The following PTPRR variants were observed in gnomAD, a reference collection of about 807,000 sequenced individuals.
The protein encoded by PTPRR is protein tyrosine phosphatase receptor type R.
A neutral mutation model predicts 77.2 loss-of-function variants in PTPRR; 38 were observed. That is an observed-to-expected ratio of 0.49 (90% CI 0.38 to 0.65). PTPRR has a LOEUF of 0.65. Ranked by LOEUF, PTPRR falls within the 30% of genes least tolerant of loss-of-function variation. The pLI is 0.00. For synonymous variants in PTPRR, 299 were observed against 283.1 expected (o/e 1.06, Z -0.57); for missense variants, 744 against 799.2 (o/e 0.93, Z 0.83).
intron 6 of PTPRR, among the ~76,000 whole-genome samples, chr12:70,709,443 A>G (rs1888741932): frequency 6.6e-6 from 1 of 152,178 alleles, no homozygotes; most frequent in Admixed American, 6.6e-5. Context: ...TAGTCAACAT[A>G]GTATTGGATG....
chr12:70,872,353 T>A (rs1226157624), intron 2 of PTPRR, among the ~76,000 whole-genome samples: 1 of 152,000 alleles, frequency 6.6e-6, no homozygotes, highest in African/African-American at 2.4e-5. Context: ...CCATATTAAA[T>A]GTTTTTCAAA....
intron 2 of PTPRR, among the ~76,000 whole-genome samples, chr12:70,829,882 C>T (rs1243059370): frequency 1.3e-5 from 2 of 152,166 alleles, no homozygotes; most frequent in South Asian, 2.1e-4. Context: ...TTATAAGGTG[C>T]TTCCTAAGAA....
At chr12:70,769,138 T>C (rs1000938454) in intron 2 of PTPRR, among the ~76,000 whole-genome samples, 25 of 140,638 alleles carry the variant, frequency 1.8e-4, no homozygotes, top group Non-Finnish European at 2.7e-4. Context: ...CTATTCAACA[T>C]AGTGTTGGAA....
intron 6 of PTPRR, among the ~76,000 whole-genome samples, chr12:70,704,422 AAAAT>A (rs925376013): frequency 5.3e-5 from 8 of 151,980 alleles, no homozygotes; most frequent in South Asian, 2.1e-4. Flanking sequence ...CCCCATGTCA[AAAAT>A]AAATAAATAA....
At chr12:70,656,888 G>A in intron 12 of PTPRR, 71 bp from the exon 13 acceptor site, 1 of 1,082,768 alleles carries the variant, frequency 9.2e-7, no homozygotes, top group South Asian at 1.3e-5. Flanking sequence ...CTTTTACAAG[G>A]GTACTTTTAA....
chr12:70,882,800 T>C (rs1266933165), intron 2 of PTPRR, among the ~76,000 whole-genome samples: 1 of 152,232 alleles, frequency 6.6e-6, no homozygotes, highest in Non-Finnish European at 1.5e-5. Context: ...GTCCCAGTTA[T>C]ATTAACGAGT....
At chr12:70,911,095 T>C (rs1893692479) in intron 1 of PTPRR, among the ~76,000 whole-genome samples, 1 of 152,060 alleles carries the variant, frequency 6.6e-6, no homozygotes, top group Non-Finnish European at 1.5e-5. Flanking sequence ...ATGAATAGGT[T>C]GTGGCTGCAT....
intron 6 of PTPRR, among the ~76,000 whole-genome samples, chr12:70,744,163 A>G (rs553079800): frequency 5.7e-4 from 87 of 152,278 alleles, no homozygotes; most frequent in African/African-American, 1.9e-3. Context: ...CTAAAAAATC[A>G]AGTTAAACCT....
At chr12:70,884,301 G>T (rs191692076) in intron 2 of PTPRR, among the ~76,000 whole-genome samples, 1 of 152,212 alleles carries the variant, frequency 6.6e-6, no homozygotes, top group Admixed American at 6.5e-5. Context: ...TTAGCAGTGA[G>T]ATTTTTAACT....
chr12:70,705,317 T>C (rs1360169730), intron 6 of PTPRR, among the ~76,000 whole-genome samples: 1 of 152,112 alleles, frequency 6.6e-6, no homozygotes, highest in Non-Finnish European at 1.5e-5. Flanking sequence ...CAGGCATTTA[T>C]TTTCCCGGTA....
At position 70,722,308 on chromosome 12, in the gene PTPRR, C is replaced by G. The variant is rs1889286745; in HGVS notation, c.1008-20985G>C. Among the ~76,000 whole-genome samples the G allele has an allele frequency of 3.3e-5, 5 of 152,170 alleles. No homozygotes were observed. In the South Asian group the frequency reaches 8.3e-4, roughly 25 times the overall value. On this transcript the variant is annotated intron_variant, in intron 6 of 13. Coordinates refer to ENST00000283228, the MANE Select transcript of PTPRR (RefSeq NM_002849.4). The stretch of plus-strand genomic sequence containing the variant: ...TTTAGGTTTATCTAAATCCCACCTT[C>G]CTGCATTGTTACCTTCCTTCATCTT...
At chr12:70,874,498 T>A (rs1432357511) in intron 2 of PTPRR, among the ~76,000 whole-genome samples, 6 of 152,200 alleles carry the variant, frequency 3.9e-5, no homozygotes, top group Admixed American at 3.9e-4. Flanking sequence ...GATATAAATT[T>A]ATGCCTTTCA....
intron 1 of PTPRR, among the ~76,000 whole-genome samples, chr12:70,896,573 G>T (rs1893432250): frequency 6.6e-6 from 1 of 151,648 alleles, no homozygotes; most frequent in South Asian, 2.1e-4. Flanking sequence ...AGAAAGAAAA[G>T]AAGAATATTT....
intron 1 of PTPRR, among the ~76,000 whole-genome samples, chr12:70,909,746 G>T (rs1893673660): frequency 2.0e-5 from 3 of 152,148 alleles, no homozygotes; most frequent in South Asian, 4.1e-4. Flanking sequence ...GGATGTTGTG[G>T]ATTCATATAG....
intron 2 of PTPRR, among the ~76,000 whole-genome samples, chr12:70,769,597 T>C (rs917838731): frequency 1.3e-5 from 2 of 152,120 alleles, no homozygotes; most frequent in Admixed American, 1.3e-4. Context: ...AGGTAATTTA[T>C]AGATTCAATG....
At chr12:70,774,381 T>G (rs1299192893) in intron 2 of PTPRR, among the ~76,000 whole-genome samples, 3 of 152,218 alleles carry the variant, frequency 2.0e-5, no homozygotes, top group Non-Finnish European at 2.9e-5. Context: ...GAAACAGTAT[T>G]ACAGTTTCAG....
At chr12:70,885,482 G>C (rs970461765) in intron 2 of PTPRR, among the ~76,000 whole-genome samples, 1 of 149,416 alleles carries the variant, frequency 6.7e-6, no homozygotes, top group Non-Finnish European at 1.5e-5. Context: ...CCTGTACATA[G>C]AAAAGAATAT....
chr12:70,902,276 A>G (rs1893549650), intron 1 of PTPRR, among the ~76,000 whole-genome samples: 1 of 151,870 alleles, frequency 6.6e-6, no homozygotes, highest in Non-Finnish European at 1.5e-5. Context: ...AAGAACTAAA[A>G]GTAGAACTAC....
At chr12:70,726,450 A>G (rs984990391) in intron 6 of PTPRR, among the ~76,000 whole-genome samples, 2 of 152,188 alleles carry the variant, frequency 1.3e-5, no homozygotes, top group African/African-American at 2.4e-5. Context: ...TAAAATGGGG[A>G]AAATAATGAT....
Sources: allele counts gnomAD v4.1 joint callset (sites outside exome capture counted in the v4.1 genomes callset), GRCh38; gene constraint gnomAD v4.1.1; transcripts MANE v1.5; gene names NCBI Gene and HGNC (gene_info 2026-07-23, HGNC 2026-07-21).